Variants in GPA33 observed in about 807,000 individuals in gnomAD.
GPA33 encodes the protein glycoprotein A33, also known as cell surface A33 antigen.
GPA33 carries 27 observed loss-of-function variants against 35.6 expected under a neutral mutation model. The observed-to-expected ratio is 0.76, with a 90% CI of 0.56 to 1.04. GPA33 has a LOEUF of 1.04. Among genes scored for constraint, GPA33 ranks in the 50% least tolerant of loss-of-function variants. The pLI is 0.00. For synonymous variants in GPA33, 176 were observed against 164.0 expected (o/e 1.07, Z -0.56); for missense variants, 428 against 411.9 (o/e 1.04, Z -0.34).
intron 2 of GPA33, among the ~76,000 whole-genome samples, chr1:167,071,453 A>G (rs1425038794): frequency 6.6e-6 from 1 of 152,180 alleles, no homozygotes; most frequent in African/African-American, 2.4e-5. Context: ...GCAACATTAG[A>G]ATAAGGGGCT....
rs1482300202 is a variant in GPA33, at chr1:167,073,466, G to A, written c.117C>T (p.Val39=). Residue 39 remains valine, a synonymous_variant, in exon 2 of 7, where the codon GTC becomes GTT. Transcript: ENST00000367868. ...DVLRASQGKS[V]TLPCTYHTST... ...AAGTGTGGTAGGTGCAGGGCAGGGT[G>A]ACACTCTTTCCCTGCGAAGCCCGAA... 1 of 1,611,070 alleles carries A rather than the reference G, an allele frequency of 6.2e-7. No homozygotes were observed. Among genetic ancestry groups the A allele is most frequent in the Middle Eastern group, 1.7e-4 (1 of 6,046 alleles).
At chr1:167,067,125 TTTC>T (rs1666613226) in intron 3 of GPA33, among the ~76,000 whole-genome samples, 1 of 152,136 alleles carries the variant, frequency 6.6e-6, no homozygotes, top group Non-Finnish European at 1.5e-5. Context: ...GGCTCTTTCT[TTTC>T]TCTGTGTTTT....
intron 1 of GPA33, among the ~76,000 whole-genome samples, chr1:167,083,063 A>C (rs1666983220): frequency 6.6e-6 from 1 of 152,080 alleles, no homozygotes; most frequent in Non-Finnish European, 1.5e-5. Flanking sequence ...GGGGCAACTG[A>C]ACTTCCCCCC....
At position 167,068,077 on chromosome 1, in the gene GPA33, T is replaced by A. The variant is rs896229376; in HGVS notation, c.415+845A>T. Among the ~76,000 whole-genome samples the A allele has an allele frequency of 4.6e-5, 7 of 151,798 alleles. No individual in the cohort carries two copies. In the East Asian group the frequency reaches 5.8e-4, roughly 13 times the overall value. On this transcript the variant is annotated intron_variant, in intron 3 of 6. Coordinates refer to ENST00000367868, the MANE Select transcript of GPA33 (RefSeq NM_005814.3). ...TATGCAATAAAAATATCTTAATTATTAATTAAATTAAATTTTAAAATAAAT... is the reference window on the plus strand; with the variant it reads ...TATGCAATAAAAATATCTTAATTATAAATTAAATTAAATTTTAAAATAAAT...
intron 2 of GPA33, among the ~76,000 whole-genome samples, chr1:167,073,067 AAAAAC>A (rs1666753021): frequency 6.6e-6 from 1 of 152,214 alleles, no homozygotes; most frequent in Non-Finnish European, 1.5e-5. Context: ...AAACAGGAAA[AAAAAC>A]CCATAAAATT....
At chr1:167,067,194 T>C (rs557828828) in intron 3 of GPA33, among the ~76,000 whole-genome samples, 3 of 152,260 alleles carry the variant, frequency 2.0e-5, no homozygotes, top group South Asian at 4.1e-4. Context: ...GGCCGGTCTC[T>C]GTCACCCAGG....
At chr1:167,055,611 G>T in intron 5 of GPA33, 119 bp downstream of exon 5, 1 of 1,095,054 alleles carries the variant, frequency 9.1e-7, no homozygotes, top group Non-Finnish European at 1.4e-6. Flanking sequence ...CTAACCTGCA[G>T]GTGCGTGGCC....
At chr1:167,077,309 C>T (rs72689402) in intron 1 of GPA33, among the ~76,000 whole-genome samples, 1,760 of 152,270 alleles carry the variant, frequency 0.012, 15 homozygotes, top group Non-Finnish European at 0.017. Flanking sequence ...TGCCGTCTGC[C>T]CAGCTCCCAG....
chr1:167,077,206 CA>C (rs199633456), intron 1 of GPA33, among the ~76,000 whole-genome samples: 172 of 134,674 alleles, frequency 1.3e-3, no homozygotes, highest in Admixed American at 1.6e-3. Flanking sequence ...ACTCCATTTC[CA>C]AAAAAAAAAA....
chr1:167,056,693 GGTGTGTGGTGT>G (rs1666282824), intron 4 of GPA33, among the ~76,000 whole-genome samples: 1 of 2,768 alleles, frequency 3.6e-4, no homozygotes, highest in Non-Finnish European at 8.8e-4. Flanking sequence ...GTGTGTGGTG[GGTGTGTGGTGT>G]GTGTAGTGTG....
rs756650876 is a variant in GPA33 at position 167,068,945 on chromosome 1, G to C, written c.392C>G (p.Ser131Ter). The C allele has an allele frequency of 2.5e-6, 4 of 1,613,060 alleles. No homozygotes were observed. Among genetic ancestry groups the C allele is most frequent in the Admixed American group, 1.7e-5 (1 of 60,020 alleles). ...ACCGAGGACCAACAGGCGGACACGT[G>C]ACTTGGTGTTGCCCTCCAGGTCTGA... The part of the protein sequence containing the change: ...LMSDLEGNTK[S>*]RVRLLVLVPP... The change falls in exon 3 of 7, where the codon TCA becomes TGA. Residue 131 changes from serine to a stop codon, truncating the protein, a stop_gained. Transcript: ENST00000367868. LOFTEE classifies it high-confidence loss of function.
At chr1:167,083,837 AG>A (rs758722717) in intron 1 of GPA33, among the ~76,000 whole-genome samples, 1 of 152,194 alleles carries the variant, frequency 6.6e-6, no homozygotes, top group Non-Finnish European at 1.5e-5. Flanking sequence ...CTATGGCACC[AG>A]GGAGGTTTCT....
intron 1 of GPA33, among the ~76,000 whole-genome samples, chr1:167,087,511 C>T (rs1016419736): frequency 1.2e-4 from 18 of 152,132 alleles, no homozygotes; most frequent in African/African-American, 4.3e-4. Context: ...TGGGGTCAGC[C>T]CCCTTTGGTC....
chr1:167,054,839 G>T, intron 6 of GPA33, 137 bp downstream of exon 6: 1 of 979,934 alleles, frequency 1.0e-6, no homozygotes, highest in Non-Finnish European at 1.5e-6. Flanking sequence ...GGCTTGGACA[G>T]GTCATTGTTT....
At chr1:167,070,518 C>T (rs139062488) in intron 2 of GPA33, among the ~76,000 whole-genome samples, 2 of 152,276 alleles carry the variant, frequency 1.3e-5, no homozygotes, top group African/African-American at 2.4e-5. Context: ...AGGTTCAAAC[C>T]GGGCATTGTG....
intron 1 of GPA33, chr1:167,078,779 C>T (rs1318160927): frequency 6.6e-6 from 1 of 152,184 alleles, no homozygotes; most frequent in Non-Finnish European, 1.5e-5. Flanking sequence ...TGGTTCCTTT[C>T]TTTACTATAC....
intron 4 of GPA33, among the ~76,000 whole-genome samples, chr1:167,061,551 C>G (rs1206154669): frequency 6.7e-6 from 1 of 148,690 alleles, no homozygotes; most frequent in Non-Finnish European, 1.5e-5. Context: ...TTACATTGAC[C>G]TATTTTAAGT....
intron 4 of GPA33, among the ~76,000 whole-genome samples, chr1:167,056,953 A>C (rs1666320445): frequency 9.5e-6 from 1 of 105,520 alleles, no homozygotes; most frequent in Admixed American, 9.7e-5. Flanking sequence ...TGGCGTGTGT[A>C]GTATGTGTGG....
intron 1 of GPA33, among the ~76,000 whole-genome samples, chr1:167,078,140 A>G (rs1666860583): frequency 1.3e-5 from 2 of 152,202 alleles, no homozygotes; most frequent in Admixed American, 1.3e-4. Context: ...CCTTGACCAC[A>G]TCACACCCCT....
Sources: allele counts gnomAD v4.1 joint callset (sites outside exome capture counted in the v4.1 genomes callset), GRCh38; gene constraint gnomAD v4.1.1; transcripts MANE v1.5; gene names NCBI Gene and HGNC (gene_info 2026-07-23, HGNC 2026-07-21).